Variants in STPG2 observed in about 807,000 individuals in gnomAD.
The protein encoded by STPG2 is sperm tail PG-rich repeat containing 2, also known as sperm-tail PG-rich repeat-containing protein 2.
Under a neutral mutation model 54.2 loss-of-function variants are expected in STPG2, and 56 were observed. The ratio of observed to expected loss-of-function variants is 1.03; its 90% CI spans 0.83 to 1.29. STPG2 has a LOEUF of 1.29. STPG2 is among the 50% of genes most tolerant of loss of function. The pLI is 0.00. For missense variants in STPG2, 596 were observed against 544.9 expected, an observed-to-expected ratio of 1.09 and a Z score of -0.93; for synonymous variants, 200 against 181.8, an observed-to-expected ratio of 1.10 and a Z score of -0.81.
In STPG2 at chr4:97,821,601, T is replaced by C. The variant is rs190270582; in HGVS notation, c.1204+19172A>G. ...GAGTTTCTCTGTGAGGGCTCCACCC[T>C]TATAGCAGGCTTCTGCCTGGGCACC... On this transcript the variant is annotated intron_variant, in intron 9 of 10. Transcript: ENST00000295268. Among the ~76,000 whole-genome samples, 536 of 152,336 alleles carry C rather than the reference T, an allele frequency of 3.5e-3. 1 individual carries two copies. The highest frequency in any genetic ancestry group is 0.012 in the African/African-American group (490 of 41,586).
chr4:97,581,998 C>G (rs1422142296), intron 10 of STPG2, among the ~76,000 whole-genome samples: 1 of 151,732 alleles, frequency 6.6e-6, no homozygotes, highest in Non-Finnish European at 1.5e-5. Flanking sequence ...ATAATTATTT[C>G]TTATTTGGTC....
chr4:98,081,295 T>C (rs1348075791), intron 5 of STPG2, among the ~76,000 whole-genome samples: 1 of 152,154 alleles, frequency 6.6e-6, no homozygotes, highest in East Asian at 1.9e-4. Context: ...CTCCTCCTGA[T>C]AGTAATCCCT....
At chr4:97,659,479 TA>T (rs1365266435) in intron 10 of STPG2, among the ~76,000 whole-genome samples, 1 of 152,212 alleles carries the variant, frequency 6.6e-6, no homozygotes, top group East Asian at 1.9e-4. Context: ...TAGTCTTTTA[TA>T]AGATGACTCT....
intron 5 of STPG2, among the ~76,000 whole-genome samples, chr4:97,999,553 A>G (rs1015862466): frequency 3.3e-5 from 5 of 152,148 alleles, no homozygotes; most frequent in Non-Finnish European, 7.4e-5. Context: ...AAATACAAAA[A>G]TTAGCCGTGG....
In STPG2 at chr4:97,856,922, G is replaced by A. The variant is rs186691803; in HGVS notation, c.1045-15990C>T. Among the ~76,000 whole-genome samples the A allele has an allele frequency of 3.1e-3, 476 of 152,176 alleles. 3 individuals are homozygous for A. Among genetic ancestry groups the A allele is most frequent in the African/African-American group, 0.011 (461 of 41,532 alleles). ...TCTGCATCTATTAAGATAATCATGT[G>A]GTTTTTGTCTTTATTCTCTTTATGT... On this transcript the variant is annotated intron_variant, in intron 8 of 10. Transcript: ENST00000295268.
rs559210031 is a variant in STPG2, at chr4:97,559,262, C to T, written c.1321-145G>A. ...ATAAAATGATATAATCTACTTACAT[C>T]GATAGAGCTTGTTTTATTACTTCGT... On this transcript the variant is annotated intron_variant, in intron 10 of 10. Transcript: ENST00000295268. 4.3e-4 allele frequency: 246 copies of T among 565,982 alleles called. 2 individuals carry two copies. Among genetic ancestry groups the T allele is most frequent in the African/African-American group, 4.2e-3 (218 of 51,938 alleles). The allele number at this position is 565,982 out of a possible 1,614,324, so 35.1% of individuals were successfully genotyped here. A position where few individuals can be genotyped will look rare whatever the true frequency, so the allele number is the denominator to read the frequency against.
At chr4:97,938,573 G>A (rs985311572) in intron 8 of STPG2, among the ~76,000 whole-genome samples, 3 of 152,178 alleles carry the variant, frequency 2.0e-5, no homozygotes, top group African/African-American at 7.2e-5. Context: ...CTGTGGTTGT[G>A]ACCTAAGGCC....
intron 4 of STPG2, among the ~76,000 whole-genome samples, chr4:98,108,319 G>C (rs962527850): frequency 1.3e-5 from 2 of 152,082 alleles, no homozygotes; most frequent in East Asian, 3.8e-4. Flanking sequence ...GAATCAGGCA[G>C]ATAAGCTGGA....
At chr4:97,599,974 A>G (rs1733415209) in intron 10 of STPG2, among the ~76,000 whole-genome samples, 1 of 152,184 alleles carries the variant, frequency 6.6e-6, no homozygotes, top group African/African-American at 2.4e-5. Context: ...ATCCTAAATG[A>G]ACTAACACAG....
At chr4:97,525,902 T>G (rs923464545) in intron 4 of STPG2, among the ~76,000 whole-genome samples, 2 of 152,086 alleles carry the variant, frequency 1.3e-5, no homozygotes, top group Non-Finnish European at 2.9e-5. Context: ...GGCAATTTAT[T>G]TTATGCATTA....
Position 97,589,919 on chromosome 4 carries a change from G to A in STPG2, c.1321-30802C>T, listed in dbSNP as rs1733093992. ...CAAGTTTGTAGCTTAGGAGCACTAG[G>A]CTATACCATCTAAGTTTATTAAACC... On this transcript the variant is annotated intron_variant, in intron 10 of 10. Transcript: ENST00000295268. Among the ~76,000 whole-genome samples, 3 of 152,106 alleles carry A rather than the reference G, an allele frequency of 2.0e-5. No homozygotes were observed. The South Asian group carries it at 6.2e-4, about 32-fold the overall frequency.
chr4:97,978,077 T>A (rs1011949140), intron 6 of STPG2, among the ~76,000 whole-genome samples: 1 of 152,162 alleles, frequency 6.6e-6, no homozygotes, highest in South Asian at 2.1e-4. Context: ...TTCATCCATG[T>A]GTGAGAAGGT....
chr4:98,020,228 G>T lies in STPG2; in HGVS notation c.613-38910C>A, dbSNP rs554889849. On this transcript the variant is annotated intron_variant, in intron 5 of 10. Coordinates refer to ENST00000295268, the MANE Select transcript of STPG2 (RefSeq NM_174952.3). ...ATTTATTGAGAGTTTTTAGCATGAA[G>T]GGTTGTTGAATTTTGTCAAAGGCCT... Among the ~76,000 whole-genome samples, 19 of 131,376 alleles carry T rather than the reference G, an allele frequency of 1.4e-4. No homozygotes were observed. The East Asian group carries it at 3.6e-3, about 25-fold the overall frequency. 86.2% of individuals were successfully genotyped at this position (131,376 alleles called of 152,430 possible). A position where few individuals can be genotyped will look rare whatever the true frequency, so the allele number is the denominator to read the frequency against.
Position 98,141,323 on chromosome 4 carries a change from G to A in STPG2, c.109+1719C>T, listed in dbSNP as rs138236831. ...CTATAGAGAATACCCTTTCCCCTTC[G>A]TTTTCCTTCCTTTCCAGATGCAGGA... is the stretch of plus-strand genomic sequence containing the variant. On this transcript the variant is annotated intron_variant, in intron 1 of 10. Coordinates refer to ENST00000295268, the MANE Select transcript of STPG2 (RefSeq NM_174952.3). Among the ~76,000 whole-genome samples, 3 of 152,194 alleles carry A rather than the reference G, an allele frequency of 2.0e-5. No homozygotes were observed. In the East Asian group the frequency reaches 5.8e-4, roughly 29 times the overall value.
intron 7 of STPG2, among the ~76,000 whole-genome samples, chr4:97,965,226 C>T (rs766541338): frequency 6.6e-6 from 1 of 152,196 alleles, no homozygotes; most frequent in Non-Finnish European, 1.5e-5. Flanking sequence ...GCCCACAGAG[C>T]CTTGCTCACT....
intron 5 of STPG2, among the ~76,000 whole-genome samples, chr4:98,060,771 A>C (rs10033138): frequency 0.39 from 59,926 of 151,868 alleles, 12,047 homozygotes; most frequent in Middle Eastern, 0.46. Flanking sequence ...CCACCACCTA[A>C]AACCACCTGA....
At chr4:97,861,000 C>T (rs1339327420) in intron 8 of STPG2, among the ~76,000 whole-genome samples, 1 of 152,066 alleles carries the variant, frequency 6.6e-6, no homozygotes, top group Non-Finnish European at 1.5e-5. Flanking sequence ...CAAATAGGAT[C>T]ACATCAAGTT....
At chr4:97,639,112 T>A (rs1415194929) in intron 10 of STPG2, among the ~76,000 whole-genome samples, 1 of 152,022 alleles carries the variant, frequency 6.6e-6, no homozygotes, top group Non-Finnish European at 1.5e-5. Context: ...CCAACAATGA[T>A]AGACTGGCTT....
intron 10 of STPG2, among the ~76,000 whole-genome samples, chr4:97,584,607 A>T (rs375048927): frequency 1.3e-5 from 2 of 152,016 alleles, no homozygotes; most frequent in African/African-American, 4.8e-5. Context: ...CTTTGAAAAG[A>T]TAAACAAAAA....
Sources: allele counts gnomAD v4.1 joint callset (sites outside exome capture counted in the v4.1 genomes callset), GRCh38; gene constraint gnomAD v4.1.1; transcripts MANE v1.5; gene names NCBI Gene and HGNC (gene_info 2026-07-23, HGNC 2026-07-21).